Variants in KCNN1 observed in about 807,000 individuals in gnomAD.
KCNN1 encodes the protein potassium calcium-activated channel subfamily N member 1.
Under a neutral mutation model 44.7 loss-of-function variants are expected in KCNN1, and 20 were observed. The observed-to-expected ratio is 0.45, with a 90% CI of 0.32 to 0.65. KCNN1 has a LOEUF of 0.65. Ranked by LOEUF, KCNN1 falls within the 30% of genes least tolerant of loss-of-function variation. KCNN1 has a pLI of 0.05. For missense variants in KCNN1, 632 were observed against 785.3 expected (o/e 0.80, Z 2.33); for synonymous variants, 324 against 341.7 (o/e 0.95, Z 0.57).
rs977853384 is a variant in KCNN1, at chr19:17,998,090, G to T, written c.1378-62G>T. On this transcript the variant is annotated intron_variant, in intron 9 of 9. Coordinates refer to ENST00000684775, the MANE Select transcript of KCNN1 (RefSeq NM_001386974.1). The surrounding 1 kb of genome is among the most constrained non-coding windows in gnomAD (Gnocchi z 5.4). The stretch of plus-strand genomic sequence containing the variant: ...GTCCCTCTCTGTCATTGGTGTCGTG[G>T]TATCGTCCTTTCCTCTCTCACTCAG... The T allele has an allele frequency of 1.4e-5, 20 of 1,480,750 alleles. No homozygotes were observed. The South Asian group carries it at 2.6e-4, about 19-fold the overall frequency. The allele number at this position is 1,480,750 out of a possible 1,614,324, so 91.7% of individuals were successfully genotyped here. A position where few individuals can be genotyped will look rare whatever the true frequency, so the allele number is the denominator to read the frequency against.
At chr19:17,963,463 C>T (rs944301584), upstream of KCNN1, among the ~76,000 whole-genome samples, 1 of 151,968 alleles carries the variant, frequency 6.6e-6, no homozygotes. Context: ...TACAGTTGCC[C>T]ACCAACACAC....
intron 5 of KCNN1, among the ~76,000 whole-genome samples, chr19:17,986,892 C>T (rs1489838790): frequency 1.3e-5 from 2 of 152,134 alleles, no homozygotes; most frequent in Non-Finnish European, 2.9e-5. Flanking sequence ...CTGCAACCTC[C>T]GCCTCCCGGG....
chr19:17,988,292 C>A (rs946663377), intron 5 of KCNN1, 123 bp from the exon 6 acceptor site: 3 of 713,508 alleles, frequency 4.2e-6, no homozygotes, highest in Non-Finnish European at 7.2e-6. Flanking sequence ...GTGAGCTCAG[C>A]AGATGGAATC....
chr19:17,998,028 C>T lies in KCNN1; in HGVS notation c.1378-124C>T. ...CTCCCAGCCACCCCTCACACGGGCC[C>T]CATTAGTGGCTGGCACCCACCTGGA... On this transcript the variant is annotated intron_variant, in intron 9 of 9. Transcript: ENST00000684775. This position sits in a 1 kb window ranked among gnomAD's most constrained non-coding sequence, Gnocchi z 5.4. 9.1e-7 allele frequency: 1 copy of T among 1,101,864 alleles called. No individual in the cohort carries two copies. The highest frequency in any genetic ancestry group is 1.2e-6 in the Non-Finnish European group (1 of 804,644). 68.3% of individuals were successfully genotyped at this position (1,101,864 alleles called of 1,614,324 possible). A position where few individuals can be genotyped will look rare whatever the true frequency, so the allele number is the denominator to read the frequency against.
At chr19:17,970,328 T>C (rs2031973175) in intron 1 of KCNN1, among the ~76,000 whole-genome samples, 1 of 83,468 alleles carries the variant, frequency 1.2e-5, no homozygotes, top group Non-Finnish European at 2.2e-5. Context: ...TTTTTTTTTT[T>C]TTTTTTGGAG....
At chr19:17,959,912 GTC>G (rs1480036566) in intron 2 of KCNN1, among the ~76,000 whole-genome samples, 1 of 151,568 alleles carries the variant, frequency 6.6e-6, no homozygotes, top group African/African-American at 2.4e-5. Context: ...GTGAAACCCC[GTC>G]TCTACTAAAA....
At chr19:17,972,751 G>A (rs2032064941) in intron 1 of KCNN1, among the ~76,000 whole-genome samples, 1 of 152,212 alleles carries the variant, frequency 6.6e-6, no homozygotes, top group Non-Finnish European at 1.5e-5. Context: ...AGAGTCTGAA[G>A]GTTGGAAGAG....
Position 17,994,358 on chromosome 19 carries a change from A to T in KCNN1, c.1377+799A>T, listed in dbSNP as rs1276431084. Among the ~76,000 whole-genome samples, 5 of 151,508 alleles carry T rather than the reference A, an allele frequency of 3.3e-5. No individual in the cohort carries two copies. The East Asian group carries it at 5.9e-4, about 18-fold the overall frequency. ...GCTATTAGGGAGGCTGAGGCGGGAG[A>T]ATCACTTGAGCCCAGGAGGTCAAGG... On this transcript the variant is annotated intron_variant, in intron 9 of 9. Transcript: ENST00000684775.
At chr19:17,961,888 CA>C (rs961665465) in intron 2 of KCNN1, among the ~76,000 whole-genome samples, 2 of 151,750 alleles carry the variant, frequency 1.3e-5, no homozygotes, top group Non-Finnish European at 2.9e-5. Context: ...TGAGCCTGGC[CA>C]AAAAAACCCC....
At chr19:17,956,620 T>C (rs1236847) in intron 2 of KCNN1, among the ~76,000 whole-genome samples, 151,774 of 151,786 alleles carry the variant, frequency 1, 75,881 homozygotes, top group Middle Eastern at 1. Flanking sequence ...GTGGTGCATG[T>C]GTGTGGTCCC....
intron 3 of KCNN1, among the ~76,000 whole-genome samples, chr19:17,978,338 G>A (rs1458404742): frequency 6.6e-6 from 1 of 150,896 alleles, no homozygotes; most frequent in South Asian, 2.1e-4. Flanking sequence ...TGTTGGCCAG[G>A]CTGGTCTTGA....
At chr19:17,988,962 T>C (rs2032695723) in intron 6 of KCNN1, among the ~76,000 whole-genome samples, 1 of 150,658 alleles carries the variant, frequency 6.6e-6, no homozygotes, top group Admixed American at 6.6e-5. Flanking sequence ...CACCCATCTG[T>C]GAGTAATGCA....
chr19:17,975,070 C>T (rs2032160938), intron 2 of KCNN1, 22 bp from the exon 3 acceptor site: 1 of 1,598,816 alleles, frequency 6.3e-7, no homozygotes, highest in Non-Finnish European at 8.6e-7. Flanking sequence ...GTCCATCTGG[C>T]TGTGTCCTCT....
At chr19:17,972,738 C>G (rs1407663560) in intron 1 of KCNN1, among the ~76,000 whole-genome samples, 2 of 152,192 alleles carry the variant, frequency 1.3e-5, no homozygotes, top group Non-Finnish European at 2.9e-5. Flanking sequence ...GTTAACTCAT[C>G]CAAGAGTCTG....
Position 17,993,445 on chromosome 19 carries a change from A to T in KCNN1, c.1308-45A>T. The T allele has an allele frequency of 6.8e-7, 1 of 1,474,996 alleles. No homozygotes were observed. Among genetic ancestry groups the T allele is most frequent in the Non-Finnish European group, 9.4e-7 (1 of 1,060,386 alleles). The allele number at this position is 1,474,996 out of a possible 1,614,324, so 91.4% of individuals were successfully genotyped here. The stretch of plus-strand genomic sequence containing the variant: ...AGTCCCTGCCCCCACTGCAGCCTCC[A>T]CGGGAACCTGCCTAACCCCCTCCCC... On this transcript the variant is annotated intron_variant, in intron 8 of 9. Coordinates refer to ENST00000684775, the MANE Select transcript of KCNN1 (RefSeq NM_001386974.1). The surrounding 1 kb of genome is among the most constrained non-coding windows in gnomAD (Gnocchi z 4.5).
In KCNN1 at chr19:17,999,877, G is replaced by A. The variant is rs2033126187; in HGVS notation, c.*1471G>A. ...ACCAGCTTGGGCCCACGCACGAGAA[G>A]GGTATGAGGAGGTGCTGGTCAGACC... On this transcript the variant is annotated 3_prime_UTR_variant, in exon 10 of 10. Transcript: ENST00000684775. The A allele has an allele frequency of 2.3e-6, 1 of 440,368 alleles. No individual in the cohort carries two copies. The highest frequency in any genetic ancestry group is 4.6e-6 in the Non-Finnish European group (1 of 219,010). The allele number at this position is 440,368 out of a possible 1,614,324, so 27.3% of individuals were successfully genotyped here. A position where few individuals can be genotyped will look rare whatever the true frequency, so the allele number is the denominator to read the frequency against.
In KCNN1 at chr19:17,973,937, G is replaced by A. The variant is rs770019521; in HGVS notation, c.49G>A (p.Gly17Arg). Residue 17 changes from glycine to arginine, a missense_variant, in exon 2 of 10, where the codon GGG becomes AGG. By Grantham distance (125) the Gly-to-Arg change is moderately radical. Around this residue, in one of 3 missense-constraint regions of KCNN1, gnomAD observed 235 missense variants for 224.0 expected, o/e 1.05. Coordinates refer to ENST00000684775, the MANE Select transcript of KCNN1 (RefSeq NM_001386974.1). ...CAGCGTGGGGCGGCCGCTGGGCAGC[G>A]GGCCGGGCGCCCTGGGACGAGACCC... ...NGSVGRPLGS[G>R]PGALGRDPPD... 3.2e-6 allele frequency: 5 copies of A among 1,556,348 alleles called. No individual in the cohort carries two copies. Among genetic ancestry groups the A allele is most frequent in the African/African-American group, 1.4e-5 (1 of 73,450 alleles).
chr19:17,984,488 G>A (rs915926507), intron 4 of KCNN1, among the ~76,000 whole-genome samples: 1 of 152,166 alleles, frequency 6.6e-6, no homozygotes, highest in Non-Finnish European at 1.5e-5. Flanking sequence ...CCCTGGGAAG[G>A]AGTGGGTTAG....
chr19:17,967,887 C>T (rs939364170), intron 1 of KCNN1, among the ~76,000 whole-genome samples: 1 of 152,012 alleles, frequency 6.6e-6, no homozygotes, highest in Admixed American at 6.6e-5. Context: ...CCGAGGGAGG[C>T]AGCCTCCAGG....
Sources: allele counts gnomAD v4.1 joint callset (sites outside exome capture counted in the v4.1 genomes callset), GRCh38; gene constraint gnomAD v4.1.1; regional missense constraint gnomAD v4.1.1; non-coding constraint Gnocchi (gnomAD v3.1); transcripts MANE v1.5; gene names NCBI Gene and HGNC (gene_info 2026-07-23, HGNC 2026-07-21).